FNDC3A: variants seen among roughly 807,000 people sequenced by gnomAD.
FNDC3A encodes fibronectin type-III domain-containing protein 3A.
In FNDC3A, 32 loss-of-function variants were observed where a neutral mutation model predicts 148.9. The ratio of observed to expected loss-of-function variants is 0.21; its 90% CI spans 0.16 to 0.29. FNDC3A has a LOEUF of 0.29. Ranked by LOEUF, FNDC3A falls within the 10% of genes least tolerant of loss-of-function variation. The pLI, the probability that FNDC3A is intolerant of heterozygous loss-of-function variation, is 1.00. For missense variants in FNDC3A, 1,191 were observed against 1,452.8 expected (o/e 0.82, Z 2.93); for synonymous variants, 472 against 473.6 (o/e 1.00, Z 0.04).
chr13:49,188,968 T>C (rs1408426529), intron 17 of FNDC3A, among the ~76,000 whole-genome samples: 1 of 152,216 alleles, frequency 6.6e-6, no homozygotes, highest in Non-Finnish European at 1.5e-5. Context: ...TAGACCGATT[T>C]ACTGCTCCAT....
intron 4 of FNDC3A, among the ~76,000 whole-genome samples, chr13:49,127,969 C>T (rs1240065968): frequency 6.6e-6 from 1 of 152,084 alleles, no homozygotes; most frequent in Non-Finnish European, 1.5e-5. Flanking sequence ...GCAACCTCTG[C>T]CTCCCGGGTT....
At chr13:49,124,845 C>T (rs190859139) in intron 4 of FNDC3A, among the ~76,000 whole-genome samples, 39 of 152,256 alleles carry the variant, frequency 2.6e-4, no homozygotes, top group African/African-American at 7.7e-4. Context: ...AACTTAGAGT[C>T]CCTAAGAGCA....
At chr13:49,063,748 G>A (rs1001871512) in intron 2 of FNDC3A, among the ~76,000 whole-genome samples, 3 of 152,020 alleles carry the variant, frequency 2.0e-5, no homozygotes, top group Admixed American at 1.3e-4. Flanking sequence ...CGTCTCTCTG[G>A]GCCTGATAAA....
chr13:48,988,078 G>C (rs998462016), intron 1 of FNDC3A: 1 of 152,106 alleles, frequency 6.6e-6, no homozygotes, highest in Non-Finnish European at 1.5e-5. Flanking sequence ...ATAGTAAAGG[G>C]CTGAATGCAA....
intron 4 of FNDC3A, 139 bp downstream of exon 4, chr13:49,114,870 C>T: frequency 1.5e-6 from 1 of 681,672 alleles, no homozygotes; most frequent in Admixed American, 2.3e-5. Context: ...AAATCTATTT[C>T]AAGTATTTTA....
chr13:49,064,198 G>A lies in FNDC3A; in HGVS notation c.100-11091G>A, dbSNP rs548782376. ...TTTACTAAAAATACAAAAATTAGCC[G>A]GGCATGGTGGCAGGTGCCTGTAATC... On this transcript the variant is annotated intron_variant, in intron 2 of 25. Transcript: ENST00000492622. 1.0e-3 allele frequency among the ~76,000 whole-genome samples: 153 copies of A among 152,024 alleles called. 1 individual carries two copies. Among genetic ancestry groups the A allele is most frequent in the African/African-American group, 3.2e-3 (133 of 41,458 alleles).
chr13:49,111,661 G>A (rs780834887), intron 3 of FNDC3A, among the ~76,000 whole-genome samples: 2 of 151,568 alleles, frequency 1.3e-5, no homozygotes. Flanking sequence ...AGGAGGAAGA[G>A]GTTGCATTGA....
chr13:49,025,962 CAT>C (rs763655396), intron 2 of FNDC3A, among the ~76,000 whole-genome samples: 6 of 152,144 alleles, frequency 3.9e-5, no homozygotes, highest in Non-Finnish European at 8.8e-5. Flanking sequence ...ATAAGGCACA[CAT>C]GTGCAAAACT....
intron 8 of FNDC3A, among the ~76,000 whole-genome samples, chr13:49,148,981 C>T (rs1343768193): frequency 6.6e-6 from 1 of 151,822 alleles, no homozygotes; most frequent in African/African-American, 2.4e-5. Flanking sequence ...AATGTGATTG[C>T]CTTTTGGGCT....
intron 1 of FNDC3A, among the ~76,000 whole-genome samples, chr13:48,977,347 A>G (rs771130818): frequency 2.0e-5 from 3 of 152,222 alleles, no homozygotes; most frequent in Non-Finnish European, 2.9e-5. Context: ...AACTCTTACT[A>G]TAATATTTTA....
chr13:49,036,994 G>A (rs1488232758), intron 2 of FNDC3A, among the ~76,000 whole-genome samples: 1 of 152,152 alleles, frequency 6.6e-6, no homozygotes, highest in Admixed American at 6.5e-5. Flanking sequence ...ATGGATATCT[G>A]GAAAGCTAAA....
chr13:49,132,023 C>T (rs906614607), intron 5 of FNDC3A, among the ~76,000 whole-genome samples: 3 of 152,038 alleles, frequency 2.0e-5, no homozygotes, highest in South Asian at 2.1e-4. Context: ...GCTTTTTTTC[C>T]GTCCCTTCAT....
chr13:48,998,952 A>G (rs1952075022), intron 1 of FNDC3A, among the ~76,000 whole-genome samples: 2 of 152,238 alleles, frequency 1.3e-5, no homozygotes, highest in African/African-American at 4.8e-5. Context: ...ATGCATGATC[A>G]TTTCAGAAAA....
At chr13:49,013,054 G>A (rs530490021) in intron 2 of FNDC3A, among the ~76,000 whole-genome samples, 1 of 152,044 alleles carries the variant, frequency 6.6e-6, no homozygotes, top group African/African-American at 2.4e-5. Flanking sequence ...AGTGGCTGAC[G>A]CCAGTAATCC....
chr13:49,125,881 T>C (rs1881663593), intron 4 of FNDC3A, among the ~76,000 whole-genome samples: 1 of 152,208 alleles, frequency 6.6e-6, no homozygotes, highest in African/African-American at 2.4e-5. Flanking sequence ...TGTCTTTGCC[T>C]ACTTAGAAAT....
Position 49,055,927 on chromosome 13 carries a change from C to G in FNDC3A, c.100-19362C>G, listed in dbSNP as rs866301972. Among the ~76,000 whole-genome samples, 6 of 152,208 alleles carry G rather than the reference C, an allele frequency of 3.9e-5. 1 individual carries two copies. The highest frequency in any genetic ancestry group is 3.4e-3 in the Middle Eastern group (1 of 294). ...AGAGGCCGGGTGTGGTGGCTCACAC[C>G]TGTAATCCCAGAACTTTGGAAGGCT... On this transcript the variant is annotated intron_variant, in intron 2 of 25. Coordinates refer to ENST00000492622, the MANE Select transcript of FNDC3A (RefSeq NM_001079673.2).
At chr13:49,042,335 G>A (rs1203810326) in intron 2 of FNDC3A, among the ~76,000 whole-genome samples, 1 of 151,798 alleles carries the variant, frequency 6.6e-6, no homozygotes, top group African/African-American at 2.4e-5. Flanking sequence ...TGTTATCTTT[G>A]GTGACTCTGA....
intron 2 of FNDC3A, among the ~76,000 whole-genome samples, chr13:49,053,493 C>T (rs1183656774): frequency 6.6e-6 from 1 of 152,146 alleles, no homozygotes; most frequent in Non-Finnish European, 1.5e-5. Flanking sequence ...CATGGTTTTC[C>T]ATGTTTTAGG....
chr13:49,049,696 CTCTT>C (rs948490354), intron 2 of FNDC3A, among the ~76,000 whole-genome samples: 2 of 97,538 alleles, frequency 2.1e-5, no homozygotes, highest in African/African-American at 5.7e-5. Context: ...TGGATCTTCT[CTCTT>C]CTCTTCTTTT....
Sources: allele counts gnomAD v4.1 joint callset (sites outside exome capture counted in the v4.1 genomes callset), GRCh38; gene constraint gnomAD v4.1.1; transcripts MANE v1.5; gene names NCBI Gene and HGNC (gene_info 2026-07-23, HGNC 2026-07-21).